Variants in NUBPL observed in about 807,000 individuals in gnomAD.
NUBPL encodes the protein iron-sulfur cluster transfer protein NUBPL.
A neutral mutation model predicts 45.7 loss-of-function variants in NUBPL; 31 were observed. The ratio of observed to expected loss-of-function variants is 0.68; its 90% confidence interval spans 0.51 to 0.92. NUBPL has a LOEUF of 0.92. Among genes scored for constraint, NUBPL ranks in the 40% least tolerant of loss-of-function variants. The pLI is 0.00. For synonymous variants in NUBPL, 144 were observed against 140.9 expected, an observed-to-expected ratio of 1.02 and a Z score of -0.15; for missense variants, 401 against 398.7, an observed-to-expected ratio of 1.01 and a Z score of -0.05.
At chr14:31,789,271 A>C (rs1053715789) in intron 7 of NUBPL, among the ~76,000 whole-genome samples, 4 of 152,036 alleles carry the variant, frequency 2.6e-5, no homozygotes, top group Non-Finnish European at 5.9e-5. Context: ...GCTTGTAGTG[A>C]GCTGAGATAG....
chr14:31,813,536 T>TAC (rs144075915), intron 7 of NUBPL, among the ~76,000 whole-genome samples: 2,039 of 149,524 alleles, frequency 0.014, 36 homozygotes, highest in African/African-American at 0.044. Context: ...CATACATCCA[T>TAC]ACACACACAC....
At chr14:31,635,521 T>C (rs370080795) in intron 4 of NUBPL, among the ~76,000 whole-genome samples, 7 of 152,050 alleles carry the variant, frequency 4.6e-5, no homozygotes, top group East Asian at 3.9e-4. Flanking sequence ...AGTCAGGTAG[T>C]GTGATGCCTC....
intron 6 of NUBPL, among the ~76,000 whole-genome samples, chr14:31,682,998 G>C (rs545346489): frequency 1.4e-5 from 2 of 147,610 alleles, no homozygotes; most frequent in African/African-American, 5.0e-5. Context: ...GAAGTGAGGC[G>C]GGGAGGAGGT....
At chr14:31,848,162 C>A (rs969656100) in intron 9 of NUBPL, among the ~76,000 whole-genome samples, 1 of 152,168 alleles carries the variant, frequency 6.6e-6, no homozygotes, top group African/African-American at 2.4e-5. Flanking sequence ...CTACTGATCA[C>A]AAAAATTTGA....
At chr14:31,832,569 A>G (rs538074586) in intron 8 of NUBPL, among the ~76,000 whole-genome samples, 1 of 152,308 alleles carries the variant, frequency 6.6e-6, no homozygotes, top group Non-Finnish European at 1.5e-5. Flanking sequence ...ACTGGTAAAG[A>G]TACTGACAAA....
chr14:31,700,655 A>T (rs1222407648), intron 6 of NUBPL, among the ~76,000 whole-genome samples: 2 of 148,870 alleles, frequency 1.3e-5, no homozygotes, highest in African/African-American at 5.2e-5. Flanking sequence ...GGCCAGTGCC[A>T]CTGGCCCCGG....
At position 31,768,245 on chromosome 14, in the gene NUBPL, TTAGA is replaced by T. The variant is rs1379616024; in HGVS notation, c.514-19531_514-19528del. Among the ~76,000 whole-genome samples, 6 of 152,252 alleles carry T rather than the reference TTAGA, an allele frequency of 3.9e-5. No homozygotes were observed. In the South Asian group the frequency reaches 1.0e-3, roughly 26 times the overall value. On this transcript the variant is annotated intron_variant, in intron 6 of 10. Coordinates refer to ENST00000281081, the MANE Select transcript of NUBPL (RefSeq NM_025152.3). ...ATAGGGCAAAGAAAATATTCTCATC[TTAGA>T]TAGCTCTGAAGAAGAAGTAAGCCTA...
chr14:31,601,631 A>C (rs2034436651), intron 4 of NUBPL, among the ~76,000 whole-genome samples: 2 of 152,248 alleles, frequency 1.3e-5, no homozygotes, highest in Non-Finnish European at 2.9e-5. Context: ...AAAAAAACAC[A>C]TGAAAACTGC....
chr14:31,640,641 A>C (rs1437176231), intron 4 of NUBPL, among the ~76,000 whole-genome samples: 1 of 151,432 alleles, frequency 6.6e-6, no homozygotes, highest in Admixed American at 6.6e-5. Context: ...AAGAAACACT[A>C]ATTAGATTAA....
At chr14:31,704,385 C>G (rs7156670) in intron 6 of NUBPL, among the ~76,000 whole-genome samples, 44,679 of 151,840 alleles carry the variant, frequency 0.29, 7,401 homozygotes, top group South Asian at 0.41. Flanking sequence ...TATAATTGGC[C>G]AGGCATGGTG....
At chr14:31,845,363 G>A (rs2040435817) in intron 8 of NUBPL, 1 of 152,118 alleles carries the variant, frequency 6.6e-6, no homozygotes, top group African/African-American at 2.4e-5. Context: ...GAATGAGAAT[G>A]ATAAAATAAC....
At chr14:31,635,756 T>G (rs2035477277) in intron 4 of NUBPL, among the ~76,000 whole-genome samples, 1 of 151,416 alleles carries the variant, frequency 6.6e-6, no homozygotes, top group Non-Finnish European at 1.5e-5. Flanking sequence ...TGTATCCTCT[T>G]TTATTTCCTT....
chr14:31,846,972 A>AAAAAACC (rs1449879593), intron 9 of NUBPL, among the ~76,000 whole-genome samples: 2 of 152,016 alleles, frequency 1.3e-5, no homozygotes, highest in Non-Finnish European at 2.9e-5. Flanking sequence ...AACAAAAAAC[A>AAAAAACC]AAAAACAGTG....
chr14:31,779,347 AAAG>A (rs944916571), intron 6 of NUBPL, among the ~76,000 whole-genome samples: 3 of 152,104 alleles, frequency 2.0e-5, no homozygotes, highest in East Asian at 3.8e-4. Flanking sequence ...TCAAAAAAAA[AAAG>A]AAGAAGAAAG....
At chr14:31,672,833 A>G (rs2036603245) in intron 4 of NUBPL, among the ~76,000 whole-genome samples, 1 of 152,220 alleles carries the variant, frequency 6.6e-6, no homozygotes, top group South Asian at 2.1e-4. Context: ...TCTATTGGAA[A>G]TAGTATGCTT....
At position 31,645,774 on chromosome 14, in the gene NUBPL, A is replaced by ATC. The variant is rs71399630; in HGVS notation, c.383-27581_383-27580insTC. The stretch of plus-strand genomic sequence containing the variant: ...ATTTTTTAAAACTTCTATACTTTAC[A>ATC]CCCCCCCCCCCACATTTTGACTTTT... On this transcript the variant is annotated intron_variant, in intron 4 of 10. Coordinates refer to ENST00000281081, the MANE Select transcript of NUBPL (RefSeq NM_025152.3). Among the ~76,000 whole-genome samples, 4 of 82,788 alleles carry ATC rather than the reference A, an allele frequency of 4.8e-5. No homozygotes were observed. In the East Asian group the frequency reaches 1.9e-3, roughly 40 times the overall value. 54.3% of individuals were successfully genotyped at this position (82,788 alleles called of 152,430 possible). A position where few individuals can be genotyped will look rare whatever the true frequency, so the allele number is the denominator to read the frequency against.
intron 7 of NUBPL, among the ~76,000 whole-genome samples, chr14:31,809,846 T>G (rs192617186): frequency 0.063 from 9,567 of 151,706 alleles, 413 homozygotes; most frequent in Non-Finnish European, 0.092. Context: ...CAAAGAACAT[T>G]TTTATTTCTG....
chr14:31,631,926 C>T (rs1474542062), intron 4 of NUBPL, among the ~76,000 whole-genome samples: 1 of 152,108 alleles, frequency 6.6e-6, no homozygotes, highest in African/African-American at 2.4e-5. Flanking sequence ...TATGGGTATA[C>T]GGTGGCCCAA....
At chr14:31,600,417 C>A (rs188618595) in intron 4 of NUBPL, among the ~76,000 whole-genome samples, 6 of 152,250 alleles carry the variant, frequency 3.9e-5, no homozygotes, top group Admixed American at 2.6e-4. Flanking sequence ...ACCATACAGA[C>A]ACGCCAGTTC....
Sources: gnomAD v4.1 joint callset for allele counts (sites outside exome capture counted in the v4.1 genomes callset) on GRCh38, gnomAD v4.1.1 for gene constraint, MANE v1.5 for transcripts, NCBI Gene and HGNC (gene_info 2026-07-23, HGNC 2026-07-21) for gene names.